The following CSMD3 variants were observed in gnomAD, a reference collection of about 807,000 sequenced individuals.
The protein encoded by CSMD3 is CUB and sushi domain-containing protein 3.
In CSMD3, 177 loss-of-function variants were observed where a neutral mutation model predicts 435.2. The observed-to-expected ratio is 0.41, with a 90% CI of 0.36 to 0.46. The LOEUF (loss-of-function observed/expected upper bound fraction) is 0.46. Among genes scored for constraint, CSMD3 ranks in the 20% least tolerant of loss-of-function variants. The pLI is 0.34. For missense variants in CSMD3, 4,265 were observed against 4,504.6 expected (o/e 0.95, Z 1.52); for synonymous variants, 1,656 against 1,520.5 (o/e 1.09, Z -2.07).
At chr8:112,235,187 C>T (rs11779115) in intron 67 of CSMD3, among the ~76,000 whole-genome samples, 2 of 151,988 alleles carry the variant, frequency 1.3e-5, no homozygotes, top group Non-Finnish European at 2.9e-5. Context: ...CCAGACCAGC[C>T]TAAGCAACAT....
intron 2 of CSMD3, among the ~76,000 whole-genome samples, chr8:113,309,007 G>C (rs2093846087): frequency 6.6e-6 from 1 of 152,034 alleles, no homozygotes; most frequent in Non-Finnish European, 1.5e-5. Context: ...GGAGTGCAGT[G>C]GTGCAGTCTC....
intron 35 of CSMD3, among the ~76,000 whole-genome samples, chr8:112,398,902 A>G (rs1831079382): frequency 6.6e-6 from 1 of 150,502 alleles, no homozygotes; most frequent in South Asian, 2.1e-4. Context: ...TTCTTATCAA[A>G]CGTTACTTGA....
intron 13 of CSMD3, among the ~76,000 whole-genome samples, chr8:112,727,056 GAAC>G (rs1166753077): frequency 6.6e-6 from 1 of 151,466 alleles, no homozygotes; most frequent in African/African-American, 2.4e-5. Context: ...ATTTATTTCT[GAAC>G]AACAAAAAAT....
intron 38 of CSMD3, among the ~76,000 whole-genome samples, chr8:112,366,893 A>C (rs995628144): frequency 6.6e-6 from 1 of 152,206 alleles, no homozygotes; most frequent in Non-Finnish European, 1.5e-5. Context: ...AAGTGTCTTG[A>C]ACTTGATAGA....
intron 16 of CSMD3, among the ~76,000 whole-genome samples, 195 bp downstream of exon 16, chr8:112,682,247 A>G (rs73342544): frequency 0.017 from 2,649 of 152,248 alleles, 76 homozygotes; most frequent in African/African-American, 0.061. Flanking sequence ...AAGCTTCTAA[A>G]AGGTTTCTAA....
chr8:113,303,393 C>G (rs2093790175), intron 2 of CSMD3, among the ~76,000 whole-genome samples: 1 of 151,404 alleles, frequency 6.6e-6, no homozygotes, highest in African/African-American at 2.4e-5. Flanking sequence ...ACTTTCTTCA[C>G]AGAATTGGAA....
chr8:112,306,675 C>T (rs542470965), intron 50 of CSMD3, among the ~76,000 whole-genome samples: 4 of 152,202 alleles, frequency 2.6e-5, no homozygotes, highest in African/African-American at 9.6e-5. Flanking sequence ...TGAAAGCTGG[C>T]TATTTCTGTC....
At chr8:112,490,968 G>A (rs1265909243) in intron 31 of CSMD3, among the ~76,000 whole-genome samples, 2 of 152,006 alleles carry the variant, frequency 1.3e-5, no homozygotes. Context: ...AACCATAAAT[G>A]CAAGTCAAAA....
chr8:112,643,460 G>C (rs1220653059), intron 20 of CSMD3: 2 of 170,130 alleles, frequency 1.2e-5, no homozygotes, highest in Non-Finnish European at 2.9e-5. Context: ...AACTTAGTTG[G>C]CTCTTAAAAG....
chr8:113,060,659 CA>C (rs1380416712), intron 5 of CSMD3, among the ~76,000 whole-genome samples: 1 of 151,930 alleles, frequency 6.6e-6, no homozygotes, highest in African/African-American at 2.4e-5. Flanking sequence ...CTCTATTTTA[CA>C]AAAAATATTA....
At chr8:113,400,944 A>G (rs1019711310) in intron 1 of CSMD3, among the ~76,000 whole-genome samples, 1 of 151,880 alleles carries the variant, frequency 6.6e-6, no homozygotes, top group Non-Finnish European at 1.5e-5. Flanking sequence ...GTCAGTTAAA[A>G]GGTAACAAAT....
At chr8:113,076,386 A>C (rs1395878395) in intron 5 of CSMD3, among the ~76,000 whole-genome samples, 1 of 151,990 alleles carries the variant, frequency 6.6e-6, no homozygotes, top group Non-Finnish European at 1.5e-5. Flanking sequence ...TTCTGAATGA[A>C]CTTAAATAAT....
chr8:112,685,298 T>A lies in CSMD3; in HGVS notation c.2482+108A>T, dbSNP rs149499869. 5.0e-4 allele frequency: 438 copies of A among 870,578 alleles called. 4 individuals carry two copies. The Middle Eastern group carries it at 0.013, about 26-fold the overall frequency. The allele number at this position is 870,578 out of a possible 1,614,324, so 53.9% of individuals were successfully genotyped here. On this transcript the variant is annotated intron_variant, in intron 15 of 70. Transcript: ENST00000297405. ...TTGGCACAATGAGATTTACAGCTTT[T>A]ACAAATTTTCTTAACTAGGAAACAA... is the stretch of plus-strand genomic sequence containing the variant.
intron 13 of CSMD3, among the ~76,000 whole-genome samples, chr8:112,702,696 A>G (rs1734539370): frequency 6.6e-6 from 1 of 152,002 alleles, no homozygotes; most frequent in Admixed American, 6.6e-5. Flanking sequence ...AGTGAGCAGC[A>G]TTTTGGTAGG....
At chr8:113,398,294 T>A (rs1012934156) in intron 1 of CSMD3, among the ~76,000 whole-genome samples, 2 of 152,092 alleles carry the variant, frequency 1.3e-5, no homozygotes, top group Non-Finnish European at 2.9e-5. Flanking sequence ...AGCTATTTAA[T>A]GACGTACCAG....
chr8:112,596,871 G>A (rs1831777964), intron 22 of CSMD3, among the ~76,000 whole-genome samples: 1 of 151,926 alleles, frequency 6.6e-6, no homozygotes, highest in South Asian at 2.1e-4. Flanking sequence ...AAAGCAGTGT[G>A]TAGAGGGAAA....
chr8:112,247,159 A>T, intron 63 of CSMD3, 28 bp from the exon 64 acceptor site: 1 of 1,398,598 alleles, frequency 7.2e-7, no homozygotes, highest in Non-Finnish European at 1.0e-6. Context: ...GAGGAAAAAA[A>T]TATTCCCCTA....
chr8:112,499,681 T>G (rs895505575), intron 30 of CSMD3, among the ~76,000 whole-genome samples: 4 of 152,146 alleles, frequency 2.6e-5, no homozygotes, highest in African/African-American at 9.7e-5. Flanking sequence ...AAGTAGCACT[T>G]CAGCAAAGAA....
rs180742292 is a variant in CSMD3, at chr8:113,122,709, A to G, written c.710-23746T>C. Among the ~76,000 whole-genome samples the G allele has an allele frequency of 5.9e-3, 897 of 152,196 alleles. 4 individuals are homozygous for G. The highest frequency in any genetic ancestry group is 0.019 in the African/African-American group (796 of 41,542). On this transcript the variant is annotated intron_variant, in intron 4 of 70. Transcript: ENST00000297405. ...CTGGAAAAGCCAAGGCAATGGTCAG[A>G]TTCCAGAAAGGAATGCAGCTCTGAT...
Sources: gnomAD v4.1 joint callset for allele counts (sites outside exome capture counted in the v4.1 genomes callset) on GRCh38, gnomAD v4.1.1 for gene constraint, MANE v1.5 for transcripts, NCBI Gene and HGNC (gene_info 2026-07-23, HGNC 2026-07-21) for gene names.